ACTL6A: variants seen among roughly 807,000 people sequenced by gnomAD.
ACTL6A encodes actin like 6A.
A neutral mutation model predicts 59.2 loss-of-function variants in ACTL6A; 5 were observed. That is an observed-to-expected ratio of 0.08 (90% CI 0.04 to 0.18). ACTL6A has a LOEUF of 0.18. ACTL6A is among the 10% of genes least tolerant of loss of function. The pLI is 1.00. For missense variants in ACTL6A, 285 were observed against 526.9 expected, an observed-to-expected ratio of 0.54 and a Z score of 4.49; for synonymous variants, 154 against 171.8, an observed-to-expected ratio of 0.90 and a Z score of 0.81.
At chr3:179,572,026 T>G (rs538827162) in intron 3 of ACTL6A, among the ~76,000 whole-genome samples, 1 of 152,290 alleles carries the variant, frequency 6.6e-6, no homozygotes, top group East Asian at 1.9e-4. Context: ...TTCAAAGTAC[T>G]TAGAACATCC....
chr3:179,569,758 G>T, intron 1 of ACTL6A, 66 bp from the exon 2 acceptor site: 1 of 1,398,552 alleles, frequency 7.2e-7, no homozygotes, highest in South Asian at 1.2e-5. Flanking sequence ...TGAGGCTGCA[G>T]TGAGCTGTGA....
chr3:179,570,762 G>A lies in ACTL6A; in HGVS notation c.277+521G>A, dbSNP rs1040290516. Among the ~76,000 whole-genome samples the A allele has an allele frequency of 6.6e-6, 1 of 152,196 alleles. No individual in the cohort carries two copies. Among genetic ancestry groups the A allele is most frequent in the African/African-American group, 2.4e-5 (1 of 41,444 alleles). On this transcript the variant is annotated intron_variant, in intron 3 of 13. Coordinates refer to ENST00000429709, the MANE Select transcript of ACTL6A (RefSeq NM_004301.5). The surrounding 1 kb of genome is among the most constrained non-coding windows in gnomAD (Gnocchi z 4.3). ...GCTTATTAGGGTCAGTAGCAGGAAA[G>A]GTAGGCAGAGAGCAGTAGCAGGAAA...
In ACTL6A at chr3:179,570,260, G is replaced by T. The variant is rs769482771; in HGVS notation, c.277+19G>T. 1.9e-6 allele frequency: 3 copies of T among 1,602,024 alleles called. No individual in the cohort carries two copies. The highest frequency in any genetic ancestry group is 4.5e-5 in the East Asian group (2 of 44,788). ...GGGATGGGTATGATGTTTTCCCCAT[G>T]GAATTGATTATGGAGTGTACATGTT... On this transcript the variant is annotated intron_variant, in intron 3 of 13. Coordinates refer to ENST00000429709, the MANE Select transcript of ACTL6A (RefSeq NM_004301.5). The surrounding 1 kb of genome is among the most constrained non-coding windows in gnomAD (Gnocchi z 4.3).
intron 9 of ACTL6A, 45 bp downstream of exon 9, chr3:179,580,746 ATTTG>A: frequency 6.2e-6 from 9 of 1,457,894 alleles, no homozygotes; most frequent in Admixed American, 2.2e-5. Flanking sequence ...TGAGGAAAGG[ATTTG>A]TTTAAAAAAT....
chr3:179,585,511 GTGATAACAATCTCTGAA>G (rs1461058393), intron 12 of ACTL6A, among the ~76,000 whole-genome samples: 4 of 152,170 alleles, frequency 2.6e-5, no homozygotes, highest in Admixed American at 2.6e-4. Flanking sequence ...CCTTTAGGAG[GTGATAACAATCTCTGAA>G]AGAACAGGAA....
chr3:179,586,687 GTAAAAATAC>G, intron 13 of ACTL6A, 55 bp downstream of exon 13: 4 of 1,372,728 alleles, frequency 2.9e-6, no homozygotes, highest in Non-Finnish European at 4.0e-6. Flanking sequence ...ACTAAATTTA[GTAAAAATAC>G]AAAAAATAAT....
At chr3:179,566,440 A>G (rs1316561895) in intron 1 of ACTL6A, among the ~76,000 whole-genome samples, 1 of 152,226 alleles carries the variant, frequency 6.6e-6, no homozygotes, top group Non-Finnish European at 1.5e-5. Context: ...CATTCTAAGA[A>G]GGGATTCATA....
At chr3:179,569,961 C>T in intron 2 of ACTL6A, 61 bp downstream of exon 2, 2 of 1,579,300 alleles carry the variant, frequency 1.3e-6, no homozygotes, top group South Asian at 1.1e-5. Context: ...TAAATTTATG[C>T]AGAAATTCTG....
chr3:179,573,319 A>G, intron 3 of ACTL6A, 50 bp from the exon 4 acceptor site: 2 of 1,217,540 alleles, frequency 1.6e-6, no homozygotes, highest in South Asian at 1.4e-5. Context: ...AAGATGCTAT[A>G]TTCATCTTCA....
chr3:179,570,109 G>A lies in ACTL6A; in HGVS notation c.145G>A (p.Asp49Asn). 1 of 1,614,132 alleles carries A rather than the reference G, an allele frequency of 6.2e-7. No individual in the cohort carries two copies. Among genetic ancestry groups the A allele is most frequent in the Non-Finnish European group, 8.5e-7 (1 of 1,180,020 alleles). The change falls in exon 3 of 14, where the codon GAC becomes AAC. Residue 49 changes from aspartate (D) to asparagine (N), a missense_variant. Physicochemically the swap from Asp to Asn is conservative, Grantham distance 23 (BLOSUM62 1). Transcript: ENST00000429709. The surrounding 1 kb of genome is among the most constrained non-coding windows in gnomAD (Gnocchi z 4.3). Reference sequence around the variant, plus strand: ...TATTGGTATGGTGGTAGAAAGAGATGACGGAAGCACATTAATGGAAATAGA... The same window carrying A: ...TATTGGTATGGTGGTAGAAAGAGATAACGGAAGCACATTAATGGAAATAGA... ...TAIGMVVERD[D>N]GSTLMEIDGD...
At chr3:179,567,526 A>T (rs191394663) in intron 1 of ACTL6A, among the ~76,000 whole-genome samples, 1 of 152,232 alleles carries the variant, frequency 6.6e-6, no homozygotes, top group Non-Finnish European at 1.5e-5. Flanking sequence ...AGAACAGGTT[A>T]AGGGCTCCTG....
At position 179,579,455 on chromosome 3, in the gene ACTL6A, TACAC is replaced by T. The variant is rs10650822; in HGVS notation, c.769-1153_769-1150del. The stretch of plus-strand genomic sequence containing the variant: ...TAAAAATTATTTTATTTATATCATA[TACAC>T]ACACACACACACACACACACACACA... On this transcript the variant is annotated intron_variant, in intron 8 of 13. Transcript: ENST00000429709. Among the ~76,000 whole-genome samples the T allele has an allele frequency of 1.8e-3, 261 of 145,142 alleles. 1 individual carries two copies. Among genetic ancestry groups the T allele is most frequent in the Non-Finnish European group, 2.2e-3 (148 of 66,586 alleles).
chr3:179,586,401 G>A (rs987314257), intron 12 of ACTL6A, 145 bp from the exon 13 acceptor site: 13 of 548,936 alleles, frequency 2.4e-5, no homozygotes, highest in Middle Eastern at 5.0e-4. Context: ...GAGATGGGCC[G>A]ATTGCTTGAG....
chr3:179,576,326 C>A lies in ACTL6A; in HGVS notation c.571+15C>A. The A allele has an allele frequency of 6.4e-7, 1 of 1,550,824 alleles. No homozygotes were observed. The highest frequency in any genetic ancestry group is 8.7e-7 in the Non-Finnish European group (1 of 1,144,788). On this transcript the variant is annotated intron_variant, in intron 6 of 13. Transcript: ENST00000429709. ...CCTTCAACAAGGTAAATGTATTTAACCAGGATACACTGAGATGATTTTAGA... is the reference window on the plus strand; with the variant it reads ...CCTTCAACAAGGTAAATGTATTTAAACAGGATACACTGAGATGATTTTAGA...
chr3:179,586,733 T>C, intron 13 of ACTL6A, 101 bp downstream of exon 13: 2 of 983,062 alleles, frequency 2.0e-6, no homozygotes, highest in South Asian at 3.2e-5. Flanking sequence ...TCTGTGCATT[T>C]TATAACTGTC....
chr3:179,573,636 T>C lies in ACTL6A; in HGVS notation c.378+167T>C, dbSNP rs544786510. On this transcript the variant is annotated intron_variant, in intron 4 of 13. Coordinates refer to ENST00000429709, the MANE Select transcript of ACTL6A (RefSeq NM_004301.5). ...AAAAGGATTAATTTTTTAACACTAT[T>C]ATAACTTTTATTTTACTATTCCAAT... Among the ~76,000 whole-genome samples, 24 of 152,180 alleles carry C rather than the reference T, an allele frequency of 1.6e-4. No homozygotes were observed. In the South Asian group the frequency reaches 4.8e-3, roughly 30 times the overall value.
chr3:179,586,718 A>G lies in ACTL6A; in HGVS notation c.1209+86A>G. The G allele has an allele frequency of 4.5e-6, 5 of 1,113,776 alleles. No homozygotes were observed. The South Asian group carries it at 5.9e-5, about 13-fold the overall frequency. 69.0% of individuals were successfully genotyped at this position (1,113,776 alleles called of 1,614,324 possible). On this transcript the variant is annotated intron_variant, in intron 13 of 13. Transcript: ENST00000429709. The stretch of plus-strand genomic sequence containing the variant: ...ATACAAAAAATAATTCCAGTGCTTC[A>G]TTTGTCTGTGCATTTTATAACTGTC...
chr3:179,563,084 G>A lies in ACTL6A; in HGVS notation c.-9G>A. ...AGCCCTTAGGGTAGGAGTCGCGCCG[G>A]CAGCAGCCATGAGCGGCGGCGTGTA... On this transcript the variant is annotated 5_prime_UTR_variant, in exon 1 of 14. Coordinates refer to ENST00000429709, the MANE Select transcript of ACTL6A (RefSeq NM_004301.5). The A allele has an allele frequency of 6.2e-7, 1 of 1,611,564 alleles. No homozygotes were observed.
Position 179,581,129 on chromosome 3 carries a change from T to C in ACTL6A, c.946-11T>C, listed in dbSNP as rs1256716870. ...AGCTTCCATGTGACTACTTGTTTTCTTTTGTTGTAGGGGTTATCAGGAAAC... is the reference window on the plus strand; with the variant it reads ...AGCTTCCATGTGACTACTTGTTTTCCTTTGTTGTAGGGGTTATCAGGAAAC... On this transcript the variant is annotated splice_polypyrimidine_tract_variant and intron_variant, in intron 10 of 13. Coordinates refer to ENST00000429709, the MANE Select transcript of ACTL6A (RefSeq NM_004301.5). 4 of 1,613,556 alleles carry C rather than the reference T, an allele frequency of 2.5e-6. No individual in the cohort carries two copies. Among genetic ancestry groups the C allele is most frequent in the Non-Finnish European group, 3.4e-6 (4 of 1,179,562 alleles).
Sources: allele counts gnomAD v4.1 joint callset (sites outside exome capture counted in the v4.1 genomes callset), GRCh38; gene constraint gnomAD v4.1.1; non-coding constraint Gnocchi (gnomAD v3.1); transcripts MANE v1.5; gene names NCBI Gene and HGNC (gene_info 2026-07-23, HGNC 2026-07-21).